Variants in ACKR3 observed in about 807,000 individuals in gnomAD.
ACKR3 encodes the protein atypical chemokine receptor 3, also known as C-X-C chemokine receptor type 7.
A neutral mutation model predicts 22.4 loss-of-function variants in ACKR3; 6 were observed. The ratio of observed to expected loss-of-function variants is 0.27; its 90% CI spans 0.15 to 0.53. The LOEUF (loss-of-function observed/expected upper bound fraction) is 0.53, where lower values mean the gene tolerates loss of function less well. Ranked by LOEUF, ACKR3 falls within the 20% of genes least tolerant of loss-of-function variation. ACKR3 has a pLI of 0.96. For synonymous variants in ACKR3, 209 were observed against 205.2 expected, an observed-to-expected ratio of 1.02 and a Z score of -0.16; for missense variants, 396 against 475.2, an observed-to-expected ratio of 0.83 and a Z score of 1.55.
At position 236,581,410 on chromosome 2, in the gene ACKR3, C is replaced by T. The variant is rs1574979326; in HGVS notation, c.945C>T (p.Tyr315=). The T allele has an allele frequency of 1.2e-6, 2 of 1,614,154 alleles. No homozygotes were observed. Among genetic ancestry groups the T allele is most frequent in the East Asian group, 2.2e-5 (1 of 44,872 alleles). The change falls in exon 2 of 2, where the codon TAC becomes TAT. Residue 315 remains tyrosine (Y), a synonymous_variant. Coordinates refer to ENST00000272928, the MANE Select transcript of ACKR3 (RefSeq NM_020311.3). This position sits in a 1 kb window ranked among gnomAD's most constrained non-coding sequence, Gnocchi z 4.4. The part of the protein sequence containing the change: ...LVHCCVNPVL[Y]SFINRNYRYE... ...ACTGCTGCGTCAACCCTGTCCTCTA[C>T]AGCTTCATCAATCGCAACTACAGGT... is the stretch of plus-strand genomic sequence containing the variant.
chr2:236,549,286 G>T, the ACKR3 span, among the ~76,000 whole-genome samples: 57 of 152,178 alleles, frequency 3.7e-4, no homozygotes, highest in Non-Finnish European at 6.2e-4. This position sits in a 1 kb window ranked among gnomAD's most constrained non-coding sequence, Gnocchi z 5.3. Flanking sequence ...CCTGCTCCAC[G>T]GTCCCTCCTT....
rs528716953 is a variant in ACKR3 at position 236,580,282 on chromosome 2, AT to A, written c.-26-150del. ...TTTGTTTTGGAGAGTTTTATTATGAATTTTTTTTCTCCCTTCTTTGCAAAGA... is the reference window on the plus strand; with the variant it reads ...TTTGTTTTGGAGAGTTTTATTATGAATTTTTTTCTCCCTTCTTTGCAAAGA... On this transcript the variant is annotated intron_variant, in intron 1 of 1. Transcript: ENST00000272928. Among the ~76,000 whole-genome samples, 148 of 152,100 alleles carry A rather than the reference AT, an allele frequency of 9.7e-4. 1 individual carries two copies. The highest frequency in any genetic ancestry group is 1.6e-3 in the Non-Finnish European group (112 of 67,980).
chr2:236,538,639 T>C, the ACKR3 span, among the ~76,000 whole-genome samples: 5 of 152,226 alleles, frequency 3.3e-5, no homozygotes, highest in Non-Finnish European at 7.3e-5. Flanking sequence ...AGTGGACCTC[T>C]TGATGAGTAG....
intron 1 of ACKR3, among the ~76,000 whole-genome samples, chr2:236,571,619 A>G (rs1362080331): frequency 5.3e-5 from 3 of 56,968 alleles, no homozygotes; most frequent in African/African-American, 1.8e-4. Flanking sequence ...TTTCTGAATG[A>G]AAAAAAAAAA....
intron 1 of ACKR3, among the ~76,000 whole-genome samples, chr2:236,573,558 C>A (rs768739754): frequency 2.0e-5 from 3 of 152,256 alleles, no homozygotes; most frequent in African/African-American, 4.8e-5. Context: ...AGGTCTCACA[C>A]TGCAGAAAGC....
chr2:236,562,546 G>A, the ACKR3 span, among the ~76,000 whole-genome samples: 2 of 152,056 alleles, frequency 1.3e-5, no homozygotes, highest in East Asian at 3.9e-4. Flanking sequence ...GGGTCACAAG[G>A]TAAGAGTATG....
upstream of ACKR3, among the ~76,000 whole-genome samples, chr2:236,566,189 G>A (rs1229089603): frequency 6.6e-6 from 1 of 152,226 alleles, no homozygotes; most frequent in Non-Finnish European, 1.5e-5. Flanking sequence ...AGAGCAGACA[G>A]AGCTGACCAC....
Position 236,580,477 on chromosome 2 carries a change from T to G in ACKR3, c.12T>G (p.His4Gln). MDL[H>Q]LFDYSEPGNF... Reference sequence around the variant, plus strand: ...CCCGCCTCAGAACGATGGATCTGCATCTCTTCGACTACTCAGAGCCAGGGA... The same window carrying G: ...CCCGCCTCAGAACGATGGATCTGCAGCTCTTCGACTACTCAGAGCCAGGGA... The change falls in exon 2 of 2, where the codon CAT (histidine) becomes CAG (glutamine). Residue 4 changes from histidine to glutamine, a missense_variant. Physicochemically the swap from His to Gln is conservative, Grantham distance 24. Transcript: ENST00000272928. 1.2e-6 allele frequency: 2 copies of G among 1,610,904 alleles called. No individual in the cohort carries two copies. The highest frequency in any genetic ancestry group is 8.5e-7 in the Non-Finnish European group (1 of 1,177,204).
At chr2:236,540,734 C>G in the ACKR3 span, among the ~76,000 whole-genome samples, 1 of 152,114 alleles carries the variant, frequency 6.6e-6, no homozygotes, top group Non-Finnish European at 1.5e-5. Flanking sequence ...ATTTTTCCTC[C>G]ATTTACTGAA....
In ACKR3 at chr2:236,580,802, G is replaced by A. The variant is rs752994969; in HGVS notation, c.337G>A (p.Gly113Ser). 1 of 1,614,158 alleles carries A rather than the reference G, an allele frequency of 6.2e-7. No individual in the cohort carries two copies. Among genetic ancestry groups the A allele is most frequent in the South Asian group, 1.1e-5 (1 of 91,068 alleles). Reference protein sequence around the residue: ...SLVQHNQWPMGELTCKVTHLI... With the variant: ...SLVQHNQWPMSELTCKVTHLI... ...CGTGCAGCACAACCAGTGGCCCATG[G>A]GCGAGCTCACGTGCAAAGTCACACA... is the stretch of plus-strand genomic sequence containing the variant. Residue 113 changes from glycine (G) to serine (S), a missense_variant, in exon 2 of 2, where the codon GGC (glycine) becomes AGC (serine). By Grantham distance (56) the Gly-to-Ser change is moderately conservative. Transcript: ENST00000272928.
upstream of ACKR3, among the ~76,000 whole-genome samples, chr2:236,566,516 G>T (rs549941968): frequency 6.9e-6 from 1 of 145,706 alleles, no homozygotes; most frequent in East Asian, 2.0e-4. Flanking sequence ...AACAGCAGGT[G>T]CAAGATCACT....
rs147420191 is a variant in ACKR3, at chr2:236,580,732, C to T, written c.267C>T (p.Ala89=). Residue 89 remains alanine, a synonymous_variant, in exon 2 of 2, where the codon GCC becomes GCT. Transcript: ENST00000272928. ...THCYILNLAI[A]DLWVVLTIPV... is the part of the protein sequence containing the mutation. The stretch of plus-strand genomic sequence containing the variant: ...GCTACATCTTGAACCTGGCCATTGC[C>T]GACCTGTGGGTTGTCCTCACCATCC... The T allele has an allele frequency of 1.9e-5, 30 of 1,614,038 alleles. No homozygotes were observed. Among genetic ancestry groups the T allele is most frequent in the South Asian group, 2.2e-5 (2 of 91,074 alleles).
the ACKR3 span, among the ~76,000 whole-genome samples, chr2:236,540,769 G>A: frequency 6.6e-6 from 1 of 152,084 alleles, no homozygotes; most frequent in African/African-American, 2.4e-5. Context: ...CTCATTGATC[G>A]CATTGGTGTC....
chr2:236,572,454 C>A (rs1034703203), intron 1 of ACKR3, among the ~76,000 whole-genome samples: 3 of 152,218 alleles, frequency 2.0e-5, no homozygotes, highest in African/African-American at 7.2e-5. Context: ...AAGTCTGGGT[C>A]AGCCAGATAG....
upstream of ACKR3, among the ~76,000 whole-genome samples, chr2:236,564,664 A>G (rs10207461): frequency 0.059 from 8,585 of 144,452 alleles, 734 homozygotes; most frequent in African/African-American, 0.2. Flanking sequence ...CTTAGGGTCT[A>G]CTTTTAAGAC....
the ACKR3 span, among the ~76,000 whole-genome samples, chr2:236,561,453 G>T: frequency 6.6e-6 from 1 of 150,426 alleles, no homozygotes; most frequent in South Asian, 2.1e-4. Context: ...ACTGTCGTTT[G>T]TTAAATCTAT....
In ACKR3 at chr2:236,580,975, G is replaced by C. The variant is rs1477101557; in HGVS notation, c.510G>C (p.Leu170=). ...VRRVVCILVW[L]LAFCVSLPDT... ...GTGTCGTCTGCATCCTGGTGTGGCTGCTGGCCTTCTGCGTGTCTCTGCCTG... is the reference window on the plus strand; with the variant it reads ...GTGTCGTCTGCATCCTGGTGTGGCTCCTGGCCTTCTGCGTGTCTCTGCCTG... The change falls in exon 2 of 2, where the codon CTG becomes CTC. Residue 170 remains leucine (L), a synonymous_variant. Coordinates refer to ENST00000272928, the MANE Select transcript of ACKR3 (RefSeq NM_020311.3). 1.2e-6 allele frequency: 2 copies of C among 1,614,140 alleles called. No individual in the cohort carries two copies. The highest frequency in any genetic ancestry group is 2.2e-5 in the South Asian group (2 of 91,074).
At position 236,575,585 on chromosome 2, in the gene ACKR3, TGC is replaced by T. The variant is rs1311927901; in HGVS notation, c.-26-4853_-26-4852del. ...TGTGTGTCTGGGGTTGTGCTGTGTG[TGC>T]GTGTGTCTGGGGTTGTGCTCTGTGT... On this transcript the variant is annotated intron_variant, in intron 1 of 1. Transcript: ENST00000272928. Among the ~76,000 whole-genome samples, 11 of 141,914 alleles carry T rather than the reference TGC, an allele frequency of 7.8e-5. 1 individual carries two copies. Among genetic ancestry groups the T allele is most frequent in the African/African-American group, 3.1e-4 (11 of 34,942 alleles). 93.1% of individuals were successfully genotyped at this position (141,914 alleles called of 152,430 possible). A position where few individuals can be genotyped will look rare whatever the true frequency, so the allele number is the denominator to read the frequency against.
upstream of ACKR3, among the ~76,000 whole-genome samples, chr2:236,566,463 T>C (rs958072260): frequency 6.6e-6 from 1 of 152,190 alleles, no homozygotes; most frequent in East Asian, 1.9e-4. Flanking sequence ...GGTTAAAATA[T>C]GCATTCTGGC....
Sources: allele counts gnomAD v4.1 joint callset (sites outside exome capture counted in the v4.1 genomes callset), GRCh38; gene constraint gnomAD v4.1.1; non-coding constraint Gnocchi (gnomAD v3.1); transcripts MANE v1.5; gene names NCBI Gene and HGNC (gene_info 2026-07-23, HGNC 2026-07-21).